The following ZNF470 variants were observed in gnomAD, a reference collection of about 807,000 sequenced individuals.
ZNF470 encodes chondrogenesis zinc finger protein 1.
Under a neutral mutation model 13.9 loss-of-function variants are expected in ZNF470, and 13 were observed. The ratio of observed to expected loss-of-function variants is 0.94; its 90% CI spans 0.61 to 1.49. The LOEUF is 1.49. Ranked by LOEUF, ZNF470 falls within the 40% of genes most tolerant of loss-of-function variation. The pLI is 0.00. For missense variants in ZNF470, 929 were observed against 857.3 expected (o/e 1.08, Z -1.04); for synonymous variants, 293 against 282.9 (o/e 1.04, Z -0.36).
intron 1 of ZNF470, 105 bp downstream of exon 1, chr19:56,568,143 G>A (rs539834450): frequency 4.1e-6 from 4 of 982,356 alleles, no homozygotes; most frequent in Non-Finnish European, 4.8e-6. Flanking sequence ...CCGTTTCTAA[G>A]GCTAGTGGAC....
chr19:56,579,041 A>G lies in ZNF470; in HGVS notation c.*458A>G, dbSNP rs894676350. 39 of 986,430 alleles carry G rather than the reference A, an allele frequency of 4.0e-5. No individual in the cohort carries two copies. Among genetic ancestry groups the G allele is most frequent in the Non-Finnish European group, 4.7e-5 (39 of 830,634 alleles). 61.1% of individuals were successfully genotyped at this position (986,430 alleles called of 1,614,324 possible). The stretch of plus-strand genomic sequence containing the variant: ...AAAGATTTATGGTACACAAGGTAAC[A>G]TGGTGGCTTATCACTCCCTCTGTGA... On this transcript the variant is annotated 3_prime_UTR_variant, in exon 6 of 6. Transcript: ENST00000330619.
At position 56,572,277 on chromosome 19, in the gene ZNF470, G is replaced by C. The variant is rs1395623933; in HGVS notation, c.60+1906G>C. 2.2e-5 allele frequency among the ~76,000 whole-genome samples: 3 copies of C among 135,362 alleles called. No homozygotes were observed. The South Asian group carries it at 7.2e-4, about 33-fold the overall frequency. The allele number at this position is 135,362 out of a possible 152,430, so 88.8% of individuals were successfully genotyped here. On this transcript the variant is annotated intron_variant, in intron 3 of 5. Coordinates refer to ENST00000330619, the MANE Select transcript of ZNF470 (RefSeq NM_001001668.4). ...CCAGCACTTTGGGAGGCTGAGGCGG[G>C]TGGATTACCTGAGGCCAGGAGTTCA...
Position 56,577,504 on chromosome 19 carries a change from C to G in ZNF470, c.1075C>G (p.Arg359Gly), listed in dbSNP as rs558252392. Residue 359 changes from arginine (R) to glycine (G), a missense_variant, in exon 6 of 6, where the codon CGA (arginine) becomes GGA (glycine). Coordinates refer to ENST00000330619, the MANE Select transcript of ZNF470 (RefSeq NM_001001668.4). ...TGATTGCTCATCCCTAGCTCATCAT[C>G]GAAGGATTCACACTGGGAAAAGACC... ...FSDCSSLAHHRRIHTGKRPYE... is the reference protein window; with the variant it reads ...FSDCSSLAHHGRIHTGKRPYE... 4 of 1,613,488 alleles carry G rather than the reference C, an allele frequency of 2.5e-6. No individual in the cohort carries two copies. The highest frequency in any genetic ancestry group is 3.3e-5 in the Admixed American group (2 of 59,966).
chr19:56,573,188 C>T (rs563368630), intron 3 of ZNF470, among the ~76,000 whole-genome samples: 1 of 152,244 alleles, frequency 6.6e-6, no homozygotes, highest in Admixed American at 6.5e-5. Context: ...TCTTCTTGGC[C>T]TTCTCTTCTT....
intron 3 of ZNF470, chr19:56,574,187 CATT>C: frequency 1.2e-6 from 1 of 845,052 alleles, no homozygotes. Flanking sequence ...AGGAGTATCT[CATT>C]TTTTTCTTTT....
At position 56,578,890 on chromosome 19, in the gene ZNF470, A is replaced by G; in HGVS notation, c.*307A>G. 9.3e-7 allele frequency: 1 copy of G among 1,072,756 alleles called. No homozygotes were observed. The highest frequency in any genetic ancestry group is 1.1e-6 in the Non-Finnish European group (1 of 887,046). 66.5% of individuals were successfully genotyped at this position (1,072,756 alleles called of 1,614,324 possible). A position where few individuals can be genotyped will look rare whatever the true frequency, so the allele number is the denominator to read the frequency against. On this transcript the variant is annotated 3_prime_UTR_variant, in exon 6 of 6. Coordinates refer to ENST00000330619, the MANE Select transcript of ZNF470 (RefSeq NM_001001668.4). ...AAATAAATGCTAGCCATTAAGGTAAAGGTTTCCTTACAAACTATCATATTA... is the reference window on the plus strand; with the variant it reads ...AAATAAATGCTAGCCATTAAGGTAAGGGTTTCCTTACAAACTATCATATTA...
chr19:56,567,913 G>GC lies in ZNF470; in HGVS notation c.-281dup, dbSNP rs2044423143. ...CAAAGTCCTAGAGCCCGGGGAAGTT[G>GC]CCCGGGCGGGGCAGCCTCGGCTGAA... On this transcript the variant is annotated 5_prime_UTR_variant, in exon 1 of 6. Transcript: ENST00000330619. 1.0e-6 allele frequency: 1 copy of GC among 985,554 alleles called. No homozygotes were observed. The highest frequency in any genetic ancestry group is 1.2e-6 in the Non-Finnish European group (1 of 830,152). The allele number at this position is 985,554 out of a possible 1,614,324, so 61.1% of individuals were successfully genotyped here.
At position 56,577,841 on chromosome 19, in the gene ZNF470, A is replaced by T. The variant is rs150408042; in HGVS notation, c.1412A>T (p.His471Leu). The T allele has an allele frequency of 6.2e-7, 1 of 1,613,816 alleles. No homozygotes were observed. ...AGCCATCGTGGGTCTCTTACTCTTC[A>T]TCAGAGAGTTCATACTGGAGAGAAA... is the stretch of plus-strand genomic sequence containing the variant. ...AFSHRGSLTLHQRVHTGEKPY... is the reference protein window; with the variant it reads ...AFSHRGSLTLLQRVHTGEKPY... The change falls in exon 6 of 6, where the codon CAT becomes CTT. Residue 471 changes from histidine (H) to leucine (L), a missense_variant. His to Leu is a moderately conservative substitution (Grantham distance 99). Coordinates refer to ENST00000330619, the MANE Select transcript of ZNF470 (RefSeq NM_001001668.4).
intron 1 of ZNF470, 107 bp downstream of exon 1, chr19:56,568,145 C>T: frequency 2.0e-6 from 2 of 981,452 alleles, no homozygotes; most frequent in South Asian, 4.7e-5. Context: ...GTTTCTAAGG[C>T]TAGTGGACCT....
Position 56,579,702 on chromosome 19 carries a change from T to C in ZNF470, c.*1119T>C. 10 of 985,048 alleles carry C rather than the reference T, an allele frequency of 1.0e-5. No individual in the cohort carries two copies. Among genetic ancestry groups the C allele is most frequent in the Non-Finnish European group, 1.2e-5 (10 of 829,600 alleles). The allele number at this position is 985,048 out of a possible 1,614,324, so 61.0% of individuals were successfully genotyped here. ...ATAAAAATATGTACACTGCAATTAG[T>C]TTCTGAATGTAGATGTTACAACTTA... On this transcript the variant is annotated 3_prime_UTR_variant, in exon 6 of 6. Transcript: ENST00000330619.
rs1326818512 is a variant in ZNF470 at position 56,579,155 on chromosome 19, C to G, written c.*572C>G. 2 of 985,352 alleles carry G rather than the reference C, an allele frequency of 2.0e-6. No homozygotes were observed. The highest frequency in any genetic ancestry group is 3.5e-5 in the African/African-American group (2 of 57,230). The allele number at this position is 985,352 out of a possible 1,614,324, so 61.0% of individuals were successfully genotyped here. The stretch of plus-strand genomic sequence containing the variant: ...AAAAGCTTTTAGCTGGGTGCGGTGG[C>G]TCATGCCTGTAGTCCCAGCACTTTG... On this transcript the variant is annotated 3_prime_UTR_variant, in exon 6 of 6. Transcript: ENST00000330619.
chr19:56,577,714 G>A lies in ZNF470; in HGVS notation c.1285G>A (p.Val429Met), dbSNP rs774226471. 1.2e-6 allele frequency: 2 copies of A among 1,611,148 alleles called. No individual in the cohort carries two copies. The highest frequency in any genetic ancestry group is 2.2e-5 in the East Asian group (1 of 44,836). The change falls in exon 6 of 6, where the codon GTG becomes ATG. Residue 429 changes from valine (V) to methionine (M), a missense_variant. Transcript: ENST00000330619. Reference sequence around the variant, plus strand: ...TGGAGAGAGACCTTACAAATGTAATGTGTGTGGGAAGGCTTTTAGCCATGG... The same window carrying A: ...TGGAGAGAGACCTTACAAATGTAATATGTGTGGGAAGGCTTTTAGCCATGG... ...HTGERPYKCN[V>M]CGKAFSHGSS...
chr19:56,567,479 G>T lies in ZNF470; in HGVS notation c.-718G>T. 1 of 985,860 alleles carries T rather than the reference G, an allele frequency of 1.0e-6. No individual in the cohort carries two copies. The highest frequency in any genetic ancestry group is 1.2e-6 in the Non-Finnish European group (1 of 830,246). The allele number at this position is 985,860 out of a possible 1,614,324, so 61.1% of individuals were successfully genotyped here. On this transcript the variant is annotated 5_prime_UTR_variant, in exon 1 of 6. It adds an upstream start codon to the 5' untranslated region. Coordinates refer to ENST00000330619, the MANE Select transcript of ZNF470 (RefSeq NM_001001668.4). Reference sequence around the variant, plus strand: ...CGGAGGACACGCCCACTTCCGGAAAGGACCCAAAGCCGGGCGAGTGCACGT... The same window carrying T: ...CGGAGGACACGCCCACTTCCGGAAATGACCCAAAGCCGGGCGAGTGCACGT...
Position 56,580,749 on chromosome 19 carries a change from C to T in ZNF470, c.*2166C>T, listed in dbSNP as rs994460374. ...GTTTGGGGCTCCCTCTTCACTTCTG[C>T]TGATAGAAGCATAATGGCTAGGGGA... is the stretch of plus-strand genomic sequence containing the variant. On this transcript the variant is annotated 3_prime_UTR_variant, in exon 6 of 6. Coordinates refer to ENST00000330619, the MANE Select transcript of ZNF470 (RefSeq NM_001001668.4). The T allele has an allele frequency of 1.4e-6, 1 of 703,714 alleles. No individual in the cohort carries two copies. Among genetic ancestry groups the T allele is most frequent in the Admixed American group, 6.3e-5 (1 of 15,888 alleles). 43.6% of individuals were successfully genotyped at this position (703,714 alleles called of 1,614,324 possible). A position where few individuals can be genotyped will look rare whatever the true frequency, so the allele number is the denominator to read the frequency against.
chr19:56,572,363 A>ATGTATAT (rs2044458569), intron 3 of ZNF470, among the ~76,000 whole-genome samples: 2 of 46,760 alleles, frequency 4.3e-5, no homozygotes, highest in African/African-American at 4.2e-4. Flanking sequence ...AAAAAAAAAA[A>ATGTATAT]AAAAAAAAAT....
chr19:56,570,777 G>T (rs1335516426), intron 3 of ZNF470, among the ~76,000 whole-genome samples: 1 of 152,184 alleles, frequency 6.6e-6, no homozygotes, highest in African/African-American at 2.4e-5. Context: ...CACTTACGCA[G>T]TGTGAGAAGT....
intron 3 of ZNF470, among the ~76,000 whole-genome samples, chr19:56,571,450 C>A (rs527821706): frequency 5.9e-5 from 9 of 152,186 alleles, no homozygotes; most frequent in Non-Finnish European, 8.8e-5. Context: ...TTATGGCCAA[C>A]AATAGAAGCT....
Position 56,581,122 on chromosome 19 carries a change from A to G in ZNF470, c.*2539A>G, listed in dbSNP as rs754138989. 4 of 936,836 alleles carry G rather than the reference A, an allele frequency of 4.3e-6. No individual in the cohort carries two copies. The highest frequency in any genetic ancestry group is 5.1e-6 in the Non-Finnish European group (4 of 785,928). 58.0% of individuals were successfully genotyped at this position (936,836 alleles called of 1,614,324 possible). A position where few individuals can be genotyped will look rare whatever the true frequency, so the allele number is the denominator to read the frequency against. On this transcript the variant is annotated 3_prime_UTR_variant, in exon 6 of 6. Coordinates refer to ENST00000330619, the MANE Select transcript of ZNF470 (RefSeq NM_001001668.4). Reference sequence around the variant, plus strand: ...GACTGACACAAAGTGTTTGCAACAGATATAATAAAGGACTGTAATTCGTGA... The same window carrying G: ...GACTGACACAAAGTGTTTGCAACAGGTATAATAAAGGACTGTAATTCGTGA...
chr19:56,575,622 C>G (rs1264743990), intron 5 of ZNF470, among the ~76,000 whole-genome samples: 1 of 151,956 alleles, frequency 6.6e-6, no homozygotes, highest in African/African-American at 2.4e-5. Context: ...TTCAGTTCTT[C>G]ATTTTATTTT....
Sources: gnomAD v4.1 joint callset for allele counts (sites outside exome capture counted in the v4.1 genomes callset) on GRCh38, gnomAD v4.1.1 for gene constraint, MANE v1.5 for transcripts, NCBI Gene and HGNC (gene_info 2026-07-23, HGNC 2026-07-21) for gene names.